MALRD1: variants seen among roughly 807,000 people sequenced by gnomAD.
The protein encoded by MALRD1 is MAM and LDL receptor class A domain containing 1.
In MALRD1, 247 loss-of-function variants were observed where a neutral mutation model predicts 242.1. The ratio of observed to expected loss-of-function variants is 1.02; its 90% CI spans 0.92 to 1.13. The LOEUF is 1.13. MALRD1 is among the 50% of genes most tolerant of loss of function. The pLI, the probability that MALRD1 is intolerant of heterozygous loss-of-function variation, is 0.00. For missense variants in MALRD1, 2,989 were observed against 2,533.1 expected, an observed-to-expected ratio of 1.18 and a Z score of -3.86; for synonymous variants, 995 against 866.6, an observed-to-expected ratio of 1.15 and a Z score of -2.60.
intron 21 of MALRD1, among the ~76,000 whole-genome samples, chr10:19,307,704 A>G (rs1842273524): frequency 6.6e-6 from 1 of 151,610 alleles, no homozygotes; most frequent in Admixed American, 6.6e-5. Flanking sequence ...AGTGGGGAGG[A>G]AAAATATTGG....
intron 29 of MALRD1, among the ~76,000 whole-genome samples, chr10:19,467,434 G>T (rs1402900062): frequency 7.0e-6 from 1 of 143,070 alleles, no homozygotes; most frequent in African/African-American, 2.6e-5. Context: ...TTCTTACAGC[G>T]CTATCTCCAA....
At chr10:19,385,239 T>A (rs1033111864) in intron 26 of MALRD1, among the ~76,000 whole-genome samples, 1 of 152,070 alleles carries the variant, frequency 6.6e-6, no homozygotes, top group African/African-American at 2.4e-5. Context: ...GTAGTGTTTG[T>A]GCATGGCTTT....
Position 19,205,279 on chromosome 10 carries a change from G to T in MALRD1, c.2578+14G>T. On this transcript the variant is annotated intron_variant, in intron 17 of 39. Transcript: ENST00000454679. ...AAGTCAACTGTGGTAAGTTCTTTTT[G>T]GTTGGGGGATTCTCTTTCTCATTTT... is the stretch of plus-strand genomic sequence containing the variant. 1 of 1,523,520 alleles carries T rather than the reference G, an allele frequency of 6.6e-7. No individual in the cohort carries two copies. Among genetic ancestry groups the T allele is most frequent in the Non-Finnish European group, 8.8e-7 (1 of 1,135,560 alleles). 94.4% of individuals were successfully genotyped at this position (1,523,520 alleles called of 1,614,324 possible).
chr10:19,064,530 A>C (rs1834912892), intron 1 of MALRD1, among the ~76,000 whole-genome samples: 1 of 151,214 alleles, frequency 6.6e-6, no homozygotes, highest in Non-Finnish European at 1.5e-5. Context: ...GGTAAGAATT[A>C]ATTGAAAACC....
chr10:19,652,181 T>C (rs920631604), intron 36 of MALRD1, among the ~76,000 whole-genome samples: 3 of 152,214 alleles, frequency 2.0e-5, no homozygotes, highest in Non-Finnish European at 4.4e-5. Context: ...CCCTGGCTGA[T>C]GTGGAAACCA....
chr10:19,127,245 A>G (rs1837311764), intron 7 of MALRD1, among the ~76,000 whole-genome samples: 1 of 152,204 alleles, frequency 6.6e-6, no homozygotes, highest in African/African-American at 2.4e-5. Context: ...TTTACTTTTT[A>G]GAATTACTCT....
At chr10:19,718,888 C>G (rs984004743) in intron 38 of MALRD1, among the ~76,000 whole-genome samples, 16 of 151,530 alleles carry the variant, frequency 1.1e-4, no homozygotes, top group African/African-American at 3.9e-4. Flanking sequence ...GCTGTTAGGC[C>G]AGGCATGGTG....
intron 39 of MALRD1, among the ~76,000 whole-genome samples, chr10:19,732,363 A>G (rs1835332140): frequency 6.6e-6 from 1 of 152,130 alleles, no homozygotes; most frequent in African/African-American, 2.4e-5. Context: ...CCTGGGTTCA[A>G]GTGATTCTCC....
chr10:19,367,120 C>T (rs779221997), intron 26 of MALRD1, among the ~76,000 whole-genome samples: 5 of 152,070 alleles, frequency 3.3e-5, no homozygotes, highest in Admixed American at 3.3e-4. Flanking sequence ...GTATTGGAAA[C>T]ATTCAGTATC....
chr10:19,069,764 T>A (rs1453988903), intron 2 of MALRD1, among the ~76,000 whole-genome samples: 1 of 151,244 alleles, frequency 6.6e-6, no homozygotes, highest in Non-Finnish European at 1.5e-5. Flanking sequence ...TTTTTTTTTC[T>A]GTGTTTAATA....
intron 38 of MALRD1, among the ~76,000 whole-genome samples, chr10:19,712,104 T>C (rs540466186): frequency 1.1e-4 from 17 of 152,106 alleles, no homozygotes; most frequent in Non-Finnish European, 2.4e-4. Flanking sequence ...AAGACAAATA[T>C]CAATTTCTAT....
intron 35 of MALRD1, among the ~76,000 whole-genome samples, chr10:19,609,121 A>T (rs1386848185): frequency 3.3e-5 from 5 of 152,106 alleles, no homozygotes; most frequent in Admixed American, 2.0e-4. Context: ...AAATAGGATC[A>T]GAAAAACAGA....
chr10:19,419,563 G>C (rs1833641886), intron 28 of MALRD1, among the ~76,000 whole-genome samples: 1 of 152,060 alleles, frequency 6.6e-6, no homozygotes, highest in Non-Finnish European at 1.5e-5. Context: ...CAGGTAGTCT[G>C]CTGGCCTCTG....
At chr10:19,238,505 TATATAATGTA>T (rs1838565880) in intron 18 of MALRD1, among the ~76,000 whole-genome samples, 2 of 41,116 alleles carry the variant, frequency 4.9e-5, no homozygotes, top group Non-Finnish European at 8.1e-5. Context: ...TATAATATAA[TATATAATGTA>T]TATTATATAT....
intron 18 of MALRD1, among the ~76,000 whole-genome samples, chr10:19,235,002 C>T (rs947096805): frequency 1.3e-5 from 2 of 152,142 alleles, no homozygotes; most frequent in African/African-American, 4.8e-5. Flanking sequence ...ATGTGGGAAA[C>T]AACTAAAAAG....
At chr10:19,406,256 G>C (rs140383372) in intron 28 of MALRD1, among the ~76,000 whole-genome samples, 225 of 152,274 alleles carry the variant, frequency 1.5e-3, no homozygotes, top group Non-Finnish European at 2.4e-3. Context: ...GGGAGAAAAA[G>C]TAAAATTCAG....
At position 19,692,357 on chromosome 10, in the gene MALRD1, G is replaced by A. The variant is rs568593043; in HGVS notation, c.6213G>A (p.Gln2071=). The A allele has an allele frequency of 1.3e-6, 2 of 1,534,628 alleles. No homozygotes were observed. Among genetic ancestry groups the A allele is most frequent in the Non-Finnish European group, 1.7e-6 (2 of 1,145,976 alleles). The change falls in exon 37 of 40, where the codon CAG becomes CAA. Residue 2071 remains glutamine, a synonymous_variant. Transcript: ENST00000454679. ...NPPATDFTYA[Q]NNTWTLLGIG... ...CTGCTACAGACTTCACATACGCTCA[G>A]AATAGTAGGTGACATTATGACTAAA...
At chr10:19,427,258 C>G (rs1480768079) in intron 28 of MALRD1, among the ~76,000 whole-genome samples, 1 of 152,126 alleles carries the variant, frequency 6.6e-6, no homozygotes, top group African/African-American at 2.4e-5. Context: ...GGTCTCAGTC[C>G]TCTTGCCCAA....
intron 26 of MALRD1, among the ~76,000 whole-genome samples, chr10:19,358,770 C>T (rs1175305713): frequency 6.6e-6 from 1 of 152,084 alleles, no homozygotes; most frequent in Non-Finnish European, 1.5e-5. Context: ...CTCTTTATTC[C>T]TGCTAAGGAG....
Sources: gnomAD v4.1 joint callset for allele counts (sites outside exome capture counted in the v4.1 genomes callset) on GRCh38, gnomAD v4.1.1 for gene constraint, MANE v1.5 for transcripts, NCBI Gene and HGNC (gene_info 2026-07-23, HGNC 2026-07-21) for gene names.